Variants in NTPCR observed in about 807,000 individuals in gnomAD.
NTPCR encodes cancer-related nucleoside-triphosphatase.
Under a neutral mutation model 19.5 loss-of-function variants are expected in NTPCR, and 15 were observed. That is an observed-to-expected ratio of 0.77 (90% confidence interval 0.51 to 1.18). The LOEUF (loss-of-function observed/expected upper bound fraction) is 1.18. Among genes scored for constraint, NTPCR ranks in the 50% most tolerant of loss-of-function variants. NTPCR has a pLI of 0.00. For synonymous variants in NTPCR, 90 were observed against 95.8 expected (o/e 0.94, Z 0.36); for missense variants, 206 against 240.4 (o/e 0.86, Z 0.95).
At chr1:232,950,908 T>C (rs1324404037) in intron 1 of NTPCR, 164 bp downstream of exon 1, 2 of 573,134 alleles carry the variant, frequency 3.5e-6, no homozygotes, top group East Asian at 3.2e-5. Context: ...TTGTACTCCT[T>C]CCCGGAAAAC....
chr1:232,976,541 TG>T, intron 4 of NTPCR: 4 of 1,515,192 alleles, frequency 2.6e-6, no homozygotes, highest in Non-Finnish European at 3.5e-6. Context: ...ACAACAGGAA[TG>T]GACTTTGGCT....
Position 232,978,281 on chromosome 1 carries a change from G to A in NTPCR, c.*50G>A, listed in dbSNP as rs568085484. ...TGAAGGAGTGCCCAGTTCAAGAGGA[G>A]CCTGATGGAGCCCTGCCTGTCGAGG... is the stretch of plus-strand genomic sequence containing the variant. On this transcript the variant is annotated 3_prime_UTR_variant, in exon 5 of 5. Coordinates refer to ENST00000366628, the MANE Select transcript of NTPCR (RefSeq NM_032324.3). The A allele has an allele frequency of 1.1e-5, 16 of 1,494,030 alleles. No individual in the cohort carries two copies. The African/African-American group carries it at 2.1e-4, about 19-fold the overall frequency. The allele number at this position is 1,494,030 out of a possible 1,614,324, so 92.5% of individuals were successfully genotyped here.
At chr1:232,964,739 A>G (rs908360950) in intron 3 of NTPCR, 1 of 152,218 alleles carries the variant, frequency 6.6e-6, no homozygotes, top group East Asian at 1.9e-4. Context: ...TTACCTCCCC[A>G]TTAGAAAAGC....
At chr1:232,977,683 T>C (rs1171078393) in intron 4 of NTPCR, among the ~76,000 whole-genome samples, 1 of 152,170 alleles carries the variant, frequency 6.6e-6, no homozygotes, top group Non-Finnish European at 1.5e-5. Flanking sequence ...GAGCACTTGA[T>C]GTTTGTGGAG....
At chr1:232,964,923 G>A (rs1668771629) in intron 3 of NTPCR, 1 of 152,198 alleles carries the variant, frequency 6.6e-6, no homozygotes, top group Admixed American at 6.5e-5. Context: ...AACACTGGCA[G>A]GAAGGTGGAC....
chr1:232,982,276 C>T lies in NTPCR; in HGVS notation c.*4045C>T, dbSNP rs968529809. ...TATGGCTGCACTGTTGATGGCTGGT[C>T]AAACAGCCCCCAAGAATCCTGGGGT... On this transcript the variant is annotated 3_prime_UTR_variant, in exon 5 of 5. Transcript: ENST00000366628. 2 of 152,152 alleles carry T rather than the reference C, an allele frequency of 1.3e-5. No homozygotes were observed. The highest frequency in any genetic ancestry group is 6.5e-5 in the Admixed American group (1 of 15,272). 9.4% of individuals were successfully genotyped at this position (152,152 alleles called of 1,614,324 possible). A position where few individuals can be genotyped will look rare whatever the true frequency, so the allele number is the denominator to read the frequency against.
rs761108721 is a variant in NTPCR, at chr1:232,956,401, C to G, written c.252C>G (p.Asp84Glu). Residue 84 changes from aspartate to glutamate, a missense_variant, in exon 3 of 5, where the codon GAC (aspartate) becomes GAG (glutamate). Transcript: ENST00000366628. ...GCCGAGTTGGGCAGTATGTGGTCGA[C>G]CTGACTTCTTTTGAGCAGTTGGCAC... ...RECRVGQYVV[D>E]LTSFEQLALP... The G allele has an allele frequency of 1.2e-6, 2 of 1,613,938 alleles. No individual in the cohort carries two copies. Among genetic ancestry groups the G allele is most frequent in the Non-Finnish European group, 1.7e-6 (2 of 1,179,862 alleles).
rs1023132551 is a variant in NTPCR at position 232,982,271 on chromosome 1, C to G, written c.*4040C>G. 1 of 152,170 alleles carries G rather than the reference C, an allele frequency of 6.6e-6. No individual in the cohort carries two copies. Among genetic ancestry groups the G allele is most frequent in the African/African-American group, 2.4e-5 (1 of 41,452 alleles). 9.4% of individuals were successfully genotyped at this position (152,170 alleles called of 1,614,324 possible). On this transcript the variant is annotated 3_prime_UTR_variant, in exon 5 of 5. Transcript: ENST00000366628. The stretch of plus-strand genomic sequence containing the variant: ...AGAAGTATGGCTGCACTGTTGATGG[C>G]TGGTCAAACAGCCCCCAAGAATCCT...
Position 232,956,341 on chromosome 1 carries a change from C to T in NTPCR, c.198-6C>T. 3 of 1,608,634 alleles carry T rather than the reference C, an allele frequency of 1.9e-6. No individual in the cohort carries two copies. The highest frequency in any genetic ancestry group is 2.6e-6 in the Non-Finnish European group (3 of 1,175,142). On this transcript the variant is annotated splice_polypyrimidine_tract_variant and splice_region_variant and intron_variant, in intron 2 of 4. Transcript: ENST00000366628. ...TCAACAAAGAACATAATGTCTTTTC[C>T]TTCAGGTTAGAGCCTCCACCTGGAA...
In NTPCR at chr1:232,950,782, G is replaced by A. The variant is rs757363708; in HGVS notation, c.34+38G>A. On this transcript the variant is annotated intron_variant, in intron 1 of 4. Transcript: ENST00000366628. ...GGATCCCCACCTCCAAGAGGTCGAG[G>A]GGGTGGGGGCGCGCGGGCTGCGGGC... The A allele has an allele frequency of 4.0e-6, 6 of 1,482,228 alleles. No homozygotes were observed. The Admixed American group carries it at 8.2e-5, about 20-fold the overall frequency. 91.8% of individuals were successfully genotyped at this position (1,482,228 alleles called of 1,614,324 possible). A position where few individuals can be genotyped will look rare whatever the true frequency, so the allele number is the denominator to read the frequency against.
chr1:232,953,045 A>T (rs1393557348), intron 1 of NTPCR, among the ~76,000 whole-genome samples: 1 of 152,182 alleles, frequency 6.6e-6, no homozygotes, highest in Non-Finnish European at 1.5e-5. Context: ...CTCAGACAGG[A>T]TAACTGAGCC....
In NTPCR at chr1:232,971,041, G is replaced by A. The variant is rs565483174; in HGVS notation, c.504+923G>A. On this transcript the variant is annotated intron_variant, in intron 4 of 4. Coordinates refer to ENST00000366628, the MANE Select transcript of NTPCR (RefSeq NM_032324.3). Reference sequence around the variant, plus strand: ...GAGAGATGAGGGGCTAGGGCTTGTTGACCAGTGGCAGCGTCTGAGCCAGTC... The same window carrying A: ...GAGAGATGAGGGGCTAGGGCTTGTTAACCAGTGGCAGCGTCTGAGCCAGTC... 2.1e-4 allele frequency among the ~76,000 whole-genome samples: 32 copies of A among 152,346 alleles called. No homozygotes were observed. In the South Asian group the frequency reaches 4.6e-3, roughly 22 times the overall value.
rs1033740839 is a variant in NTPCR at position 232,979,790 on chromosome 1, G to A, written c.*1559G>A. The A allele has an allele frequency of 2.6e-5, 4 of 152,250 alleles. No homozygotes were observed. The highest frequency in any genetic ancestry group is 9.7e-5 in the African/African-American group (4 of 41,448). 9.4% of individuals were successfully genotyped at this position (152,250 alleles called of 1,614,324 possible). On this transcript the variant is annotated 3_prime_UTR_variant, in exon 5 of 5. Coordinates refer to ENST00000366628, the MANE Select transcript of NTPCR (RefSeq NM_032324.3). This position sits in a 1 kb window ranked among gnomAD's most constrained non-coding sequence, Gnocchi z 5.3. ...AGGCACGGCCTCTGAGTTGGGTAGAGGCTTCCCACAAAGGCCTGGGAACCT... is the reference window on the plus strand; with the variant it reads ...AGGCACGGCCTCTGAGTTGGGTAGAAGCTTCCCACAAAGGCCTGGGAACCT...
chr1:232,958,644 C>G (rs1056514913), intron 3 of NTPCR, among the ~76,000 whole-genome samples: 1 of 152,210 alleles, frequency 6.6e-6, no homozygotes, highest in Non-Finnish European at 1.5e-5. Flanking sequence ...ATTCCTTCCT[C>G]TTGGAACTTA....
chr1:232,970,333 C>G (rs1668942037), intron 4 of NTPCR, among the ~76,000 whole-genome samples: 1 of 152,166 alleles, frequency 6.6e-6, no homozygotes, highest in Non-Finnish European at 1.5e-5. Flanking sequence ...TCCTGACGGT[C>G]CCAGTTGTTC....
At chr1:232,957,065 T>C (rs193049747) in intron 3 of NTPCR, among the ~76,000 whole-genome samples, 7 of 152,312 alleles carry the variant, frequency 4.6e-5, no homozygotes, top group Non-Finnish European at 1.0e-4. Context: ...TTATGTATGA[T>C]GTTAACTGTG....
chr1:232,975,714 A>G (rs888644806), intron 4 of NTPCR, among the ~76,000 whole-genome samples: 2 of 152,166 alleles, frequency 1.3e-5, no homozygotes, highest in Admixed American at 1.3e-4. Context: ...GGGCAGGTGC[A>G]AGGGTTCAGG....
chr1:232,955,532 T>TC (rs1232652089), intron 1 of NTPCR, 25 bp from the exon 2 acceptor site: 64 of 446,808 alleles, frequency 1.4e-4, no homozygotes, highest in South Asian at 4.0e-4. Context: ...CTTTTCTTCT[T>TC]TTTTTTTTTT....
rs1296325103 is a variant in NTPCR at position 232,982,582 on chromosome 1, G to C, written c.*4351G>C. 1 of 152,246 alleles carries C rather than the reference G, an allele frequency of 6.6e-6. No individual in the cohort carries two copies. The highest frequency in any genetic ancestry group is 6.5e-5 in the Admixed American group (1 of 15,292). The allele number at this position is 152,246 out of a possible 1,614,324, so 9.4% of individuals were successfully genotyped here. A position where few individuals can be genotyped will look rare whatever the true frequency, so the allele number is the denominator to read the frequency against. ...ACCTCATGAACCTCCCCAGAGAAAC[G>C]GGATGGAGGAGCACCCAGGGTGCTC... On this transcript the variant is annotated 3_prime_UTR_variant, in exon 5 of 5. Transcript: ENST00000366628.
Sources: gnomAD v4.1 joint callset for allele counts (sites outside exome capture counted in the v4.1 genomes callset) on GRCh38, gnomAD v4.1.1 for gene constraint, Gnocchi (gnomAD v3.1) non-coding constraint, MANE v1.5 for transcripts, NCBI Gene and HGNC (gene_info 2026-07-23, HGNC 2026-07-21) for gene names.